Variants in OXR1 observed in about 807,000 individuals in gnomAD.
OXR1 encodes the protein oxidation resistance protein 1.
OXR1 carries 41 observed loss-of-function variants against 104.6 expected under a neutral mutation model. The ratio of observed to expected loss-of-function variants is 0.39; its 90% confidence interval spans 0.31 to 0.51. The LOEUF is 0.51. Ranked by LOEUF, OXR1 falls within the 20% of genes least tolerant of loss-of-function variation. OXR1 has a pLI of 0.77. For missense variants in OXR1, 955 were observed against 1,031.9 expected (o/e 0.93, Z 1.02); for synonymous variants, 348 against 348.4 (o/e 1.00, Z 0.01).
At chr8:106,342,551 G>A (rs148456033) in intron 1 of OXR1, among the ~76,000 whole-genome samples, 32 of 152,016 alleles carry the variant, frequency 2.1e-4, no homozygotes, top group Middle Eastern at 3.4e-3. Flanking sequence ...CACCGTGCCC[G>A]GCCTCTCTTT....
At chr8:106,272,881 A>C (rs930613668) in intron 1 of OXR1, 2 of 152,178 alleles carry the variant, frequency 1.3e-5, no homozygotes, top group Non-Finnish European at 2.9e-5. Context: ...ATGCTGTTCA[A>C]ATAAAACATC....
At chr8:106,529,450 C>G (rs1256551917) in intron 3 of OXR1, among the ~76,000 whole-genome samples, 2 of 151,834 alleles carry the variant, frequency 1.3e-5, no homozygotes, top group Admixed American at 1.3e-4. Context: ...TTTTTTTTAA[C>G]CAATCATTTA....
At chr8:106,565,019 A>G (rs1816967815) in intron 3 of OXR1, among the ~76,000 whole-genome samples, 1 of 152,232 alleles carries the variant, frequency 6.6e-6, no homozygotes, top group Admixed American at 6.5e-5. Flanking sequence ...CCCGCAGCCA[A>G]TATCATACTG....
At chr8:106,283,137 A>G (rs1257052274) in intron 1 of OXR1, among the ~76,000 whole-genome samples, 1 of 152,120 alleles carries the variant, frequency 6.6e-6, no homozygotes, top group Non-Finnish European at 1.5e-5. Flanking sequence ...ATGCAATTCC[A>G]TAGGAAACAC....
At position 106,648,308 on chromosome 8, in the gene OXR1, C is replaced by T. The variant is rs72682823; in HGVS notation, c.221-30902C>T. 4.2e-3 allele frequency among the ~76,000 whole-genome samples: 639 copies of T among 152,284 alleles called. 1 individual carries two copies. The highest frequency in any genetic ancestry group is 0.017 in the Middle Eastern group (5 of 294). On this transcript the variant is annotated intron_variant, in intron 3 of 16. Coordinates refer to ENST00000517566, the MANE Select transcript of OXR1 (RefSeq NM_001198533.2). ...ATTGAACATTAAACAGAACTTCAGT[C>T]ATTAGCCAATGTAAACAAGCAATCA...
At chr8:106,676,020 A>G (rs2131190431) in intron 3 of OXR1, among the ~76,000 whole-genome samples, 1 of 151,474 alleles carries the variant, frequency 6.6e-6, no homozygotes, top group East Asian at 1.9e-4. Flanking sequence ...TACGAATTGA[A>G]CCCTTTAGCA....
intron 15 of OXR1, among the ~76,000 whole-genome samples, chr8:106,744,676 A>C (rs1272897979): frequency 6.6e-6 from 1 of 152,200 alleles, no homozygotes; most frequent in Non-Finnish European, 1.5e-5. Flanking sequence ...ATGCCAATAA[A>C]ATCTAAAATG....
chr8:106,294,857 C>A (rs1812923681), intron 1 of OXR1, among the ~76,000 whole-genome samples: 1 of 152,186 alleles, frequency 6.6e-6, no homozygotes, highest in South Asian at 2.1e-4. Context: ...TCATGTGCCA[C>A]TTTTATGCGG....
chr8:106,282,400 A>C (rs1288841457), intron 1 of OXR1, among the ~76,000 whole-genome samples: 1 of 152,160 alleles, frequency 6.6e-6, no homozygotes, highest in East Asian at 1.9e-4. Flanking sequence ...TGCTGTTAGA[A>C]CTTTTTATTT....
At chr8:106,415,992 A>G (rs1818662624) in intron 2 of OXR1, among the ~76,000 whole-genome samples, 1 of 152,092 alleles carries the variant, frequency 6.6e-6, no homozygotes. Flanking sequence ...TATCCTAAGT[A>G]TTTTGCCAGG....
chr8:106,374,229 G>A (rs1816822391), intron 2 of OXR1, among the ~76,000 whole-genome samples: 1 of 152,124 alleles, frequency 6.6e-6, no homozygotes, highest in Non-Finnish European at 1.5e-5. Flanking sequence ...CTGGATATTT[G>A]CCATTTGATG....
intron 3 of OXR1, among the ~76,000 whole-genome samples, chr8:106,606,990 G>C (rs1820451946): frequency 6.6e-6 from 1 of 152,248 alleles, no homozygotes; most frequent in South Asian, 2.1e-4. Flanking sequence ...AACCAAATGG[G>C]TGTAGAGCCC....
chr8:106,595,567 A>AAG (rs1563631052), intron 3 of OXR1, among the ~76,000 whole-genome samples: 1 of 151,304 alleles, frequency 6.6e-6, no homozygotes, highest in Non-Finnish European at 1.5e-5. Flanking sequence ...AAAAAAAAAA[A>AAG]AAAGAAAAGA....
intron 2 of OXR1, among the ~76,000 whole-genome samples, chr8:106,407,541 C>A (rs1818289365): frequency 6.6e-6 from 1 of 152,116 alleles, no homozygotes; most frequent in Non-Finnish European, 1.5e-5. Flanking sequence ...TAATTGAATA[C>A]CTTCATTTTA....
intron 1 of OXR1, among the ~76,000 whole-genome samples, chr8:106,308,599 G>C (rs1813559391): frequency 6.6e-6 from 1 of 152,150 alleles, no homozygotes; most frequent in Non-Finnish European, 1.5e-5. Context: ...GCTATTAATG[G>C]CTTTCTAGTT....
At chr8:106,722,169 T>G (rs945020853) in intron 11 of OXR1, among the ~76,000 whole-genome samples, 2 of 152,164 alleles carry the variant, frequency 1.3e-5, no homozygotes, top group African/African-American at 4.8e-5. Context: ...AAATTAAAAC[T>G]GAGTTAATAT....
At chr8:106,319,811 T>C (rs1814137911) in intron 1 of OXR1, among the ~76,000 whole-genome samples, 2 of 152,220 alleles carry the variant, frequency 1.3e-5, no homozygotes, top group Admixed American at 6.5e-5. Flanking sequence ...GTGAATTTGC[T>C]GGTTAGCCCA....
At chr8:106,629,669 A>G (rs142694176) in intron 3 of OXR1, among the ~76,000 whole-genome samples, 447 of 152,360 alleles carry the variant, frequency 2.9e-3, no homozygotes, top group Non-Finnish European at 4.7e-3. Context: ...TATAATTTAC[A>G]TTATACCTTT....
At chr8:106,512,250 C>G (rs1235969329) in intron 2 of OXR1, among the ~76,000 whole-genome samples, 1 of 152,108 alleles carries the variant, frequency 6.6e-6, no homozygotes, top group Non-Finnish European at 1.5e-5. Context: ...ATAATCCAGT[C>G]CCCATGTCCA....
Sources: allele counts gnomAD v4.1 joint callset (sites outside exome capture counted in the v4.1 genomes callset), GRCh38; gene constraint gnomAD v4.1.1; transcripts MANE v1.5; gene names NCBI Gene and HGNC (gene_info 2026-07-23, HGNC 2026-07-21).